The following SMCHD1 variants were observed in gnomAD, a reference collection of about 807,000 sequenced individuals.
The protein encoded by SMCHD1 is structural maintenance of chromosomes flexible hinge domain containing 1.
In SMCHD1, 78 loss-of-function variants were observed where a neutral mutation model predicts 254.7. The observed-to-expected ratio is 0.31, with a 90% confidence interval of 0.26 to 0.37. The LOEUF (loss-of-function observed/expected upper bound fraction) is 0.37. Ranked by LOEUF, SMCHD1 falls within the 10% of genes least tolerant of loss-of-function variation. SMCHD1 has a pLI of 1.00. For missense variants in SMCHD1, 1,840 were observed against 2,408.1 expected (o/e 0.76, Z 4.94); for synonymous variants, 766 against 794.9 (o/e 0.96, Z 0.61).
chr18:2,798,469 C>A (rs1428476457), intron 47 of SMCHD1, among the ~76,000 whole-genome samples: 1 of 152,146 alleles, frequency 6.6e-6, no homozygotes, highest in Admixed American at 6.5e-5. Context: ...GTCATCATTG[C>A]TGGTTGGTAG....
At chr18:2,731,477 G>T (rs976621806) in intron 24 of SMCHD1, among the ~76,000 whole-genome samples, 1 of 152,040 alleles carries the variant, frequency 6.6e-6, no homozygotes, top group Non-Finnish European at 1.5e-5. Context: ...GCATCTAGAG[G>T]CCTTCTCTGG....
intron 3 of SMCHD1, among the ~76,000 whole-genome samples, chr18:2,670,189 G>A (rs953309673): frequency 6.6e-6 from 1 of 152,074 alleles, no homozygotes; most frequent in Non-Finnish European, 1.5e-5. Context: ...TACTAGCTCT[G>A]CTTTGTACTT....
chr18:2,699,363 A>G (rs944531921), intron 10 of SMCHD1, among the ~76,000 whole-genome samples: 1 of 152,102 alleles, frequency 6.6e-6, no homozygotes, highest in Admixed American at 6.6e-5. Flanking sequence ...TTTGGAGACA[A>G]AAGTCTTGCG....
chr18:2,661,941 G>C (rs1460000763), intron 1 of SMCHD1, among the ~76,000 whole-genome samples: 2 of 148,746 alleles, frequency 1.3e-5, no homozygotes, highest in African/African-American at 5.0e-5. Context: ...TGGATCATGA[G>C]GTCAGGAGAT....
At chr18:2,673,145 A>C in intron 3 of SMCHD1, 136 bp from the exon 4 acceptor site, 1 of 1,328,344 alleles carries the variant, frequency 7.5e-7, no homozygotes, top group Non-Finnish European at 9.7e-7. Flanking sequence ...ATTATGTATT[A>C]TATCATTAGG....
chr18:2,735,012 G>A (rs541556625), intron 25 of SMCHD1, among the ~76,000 whole-genome samples: 2 of 151,774 alleles, frequency 1.3e-5, no homozygotes, highest in Non-Finnish European at 2.9e-5. Context: ...AGAGGTTGCA[G>A]TGAGCCAAGA....
At chr18:2,800,353 G>T (rs2076338258) in intron 47 of SMCHD1, among the ~76,000 whole-genome samples, 3 of 152,132 alleles carry the variant, frequency 2.0e-5, no homozygotes, top group Admixed American at 2.0e-4. Flanking sequence ...TACAAAGTTA[G>T]ATAACAATGG....
At chr18:2,729,649 T>C (rs2075097724) in intron 24 of SMCHD1, among the ~76,000 whole-genome samples, 2 of 152,136 alleles carry the variant, frequency 1.3e-5, no homozygotes, top group Non-Finnish European at 2.9e-5. Context: ...ATAACTATTA[T>C]TGATTTACAT....
At chr18:2,713,580 G>T (rs1375275136) in intron 17 of SMCHD1, among the ~76,000 whole-genome samples, 2 of 152,168 alleles carry the variant, frequency 1.3e-5, no homozygotes, top group Admixed American at 6.5e-5. Context: ...AGCTACTCGG[G>T]AGGCTGAGGC....
intron 5 of SMCHD1, among the ~76,000 whole-genome samples, chr18:2,683,489 T>G (rs553502207): frequency 6.6e-6 from 1 of 152,342 alleles, no homozygotes; most frequent in Admixed American, 6.5e-5. Context: ...GAATGTACTC[T>G]TAAGTGATTT....
intron 12 of SMCHD1, chr18:2,702,413 T>C (rs930792947): frequency 1.3e-5 from 2 of 152,206 alleles, no homozygotes; most frequent in South Asian, 4.1e-4. Flanking sequence ...CCTTCTGAAT[T>C]GTACTTTGAC....
In SMCHD1 at chr18:2,750,446, C is replaced by T. The variant is rs117794949; in HGVS notation, c.4104C>T (p.Pro1368=). ...TGATTCTTCCAGACCCAGAAAAACC[C>T]GTTCGTCTCAATGTTAAATATGACA... is the stretch of plus-strand genomic sequence containing the variant. The part of the protein sequence containing the change: ...KLMILPDPEK[P]VRLNVKYDKD... The change falls in exon 32 of 48, where the codon CCC becomes CCT. Residue 1368 remains proline, a synonymous_variant. Coordinates refer to ENST00000320876, the MANE Select transcript of SMCHD1 (RefSeq NM_015295.3). The T allele has an allele frequency of 1.6e-3, 2,603 of 1,611,098 alleles. 27 individuals carry two copies. The East Asian group carries it at 0.029, about 18-fold the overall frequency.
At position 2,656,155 on chromosome 18, in the gene SMCHD1, C is replaced by T. The variant is rs544722733; in HGVS notation, c.80C>T (p.Thr27Met). Residue 27 changes from threonine to methionine, a missense_variant, in exon 1 of 48, where the codon ACG (threonine) becomes ATG (methionine). By Grantham distance (81) the Thr-to-Met change is moderately conservative (BLOSUM62 -1). This residue lies in a region of SMCHD1 where 115 missense variants were observed against 99.1 expected (regional missense o/e 1.16). Coordinates refer to ENST00000320876, the MANE Select transcript of SMCHD1 (RefSeq NM_015295.3). ...GATGGCGGAGGCGTCGGCCACAGGA[C>T]GGTGTACTTGTTTGATCGGCGCGAA... The part of the protein sequence containing the change: ...EEDGGGVGHR[T>M]VYLFDRREKE... 3.3e-6 allele frequency: 5 copies of T among 1,514,724 alleles called. No homozygotes were observed. Among genetic ancestry groups the T allele is most frequent in the Non-Finnish European group, 4.4e-6 (5 of 1,134,950 alleles). 93.8% of individuals were successfully genotyped at this position (1,514,724 alleles called of 1,614,324 possible).
At chr18:2,753,432 A>G (rs2075613218) in intron 34 of SMCHD1, among the ~76,000 whole-genome samples, 1 of 152,228 alleles carries the variant, frequency 6.6e-6, no homozygotes, top group South Asian at 2.1e-4. Context: ...ACTGGTGCTC[A>G]TATAAAAGTA....
At chr18:2,694,488 A>G in intron 7 of SMCHD1, 39 bp from the exon 8 acceptor site, 1 of 1,410,718 alleles carries the variant, frequency 7.1e-7, no homozygotes, top group South Asian at 1.3e-5. Flanking sequence ...ATTATAATTT[A>G]GATGATTTAA....
chr18:2,723,460 G>A (rs1462015698), intron 20 of SMCHD1, among the ~76,000 whole-genome samples: 1 of 152,004 alleles, frequency 6.6e-6, no homozygotes, highest in Non-Finnish European at 1.5e-5. Flanking sequence ...TCTGTCTGGA[G>A]TACATTGTTG....
chr18:2,770,777 C>G (rs368861201), intron 39 of SMCHD1, among the ~76,000 whole-genome samples: 5 of 152,094 alleles, frequency 3.3e-5, no homozygotes, highest in Non-Finnish European at 5.9e-5. Context: ...CATGCCACCA[C>G]GCCTGGCTGA....
At chr18:2,736,080 G>A (rs1328886105) in intron 25 of SMCHD1, among the ~76,000 whole-genome samples, 2 of 152,106 alleles carry the variant, frequency 1.3e-5, no homozygotes, top group African/African-American at 4.8e-5. Context: ...AGTGGAGGAG[G>A]TTAGAGAGCC....
At position 2,796,510 on chromosome 18, in the gene SMCHD1, A is replaced by G; in HGVS notation, c.5982A>G (p.Thr1994=). Residue 1994 remains threonine (T), a synonymous_variant, in exon 47 of 48, where the codon ACA becomes ACG. Coordinates refer to ENST00000320876, the MANE Select transcript of SMCHD1 (RefSeq NM_015295.3). ...CTAAAAGAATGAGACGAGAAGCTAC[A>G]AGACAAAATAGGTGAGTTTGTTTGA... ...VPPKRMRREA[T]RQNRIITKTD... 6.3e-7 allele frequency: 1 copy of G among 1,591,298 alleles called. No individual in the cohort carries two copies. The highest frequency in any genetic ancestry group is 2.2e-5 in the East Asian group (1 of 44,450).
Sources: allele counts gnomAD v4.1 joint callset (sites outside exome capture counted in the v4.1 genomes callset), GRCh38; gene constraint gnomAD v4.1.1; regional missense constraint gnomAD v4.1.1; transcripts MANE v1.5; gene names NCBI Gene and HGNC (gene_info 2026-07-23, HGNC 2026-07-21).